Variants in CTNS observed in about 807,000 individuals in gnomAD.
The protein encoded by CTNS is cystinosin.
A neutral mutation model predicts 43.7 loss-of-function variants in CTNS; 27 were observed. That is an observed-to-expected ratio of 0.62 (90% confidence interval 0.46 to 0.85). CTNS has a LOEUF of 0.85. CTNS is among the 40% of genes least tolerant of loss of function. The probability of loss-of-function intolerance (pLI) is 0.00; values close to 1 mark genes in which losing one functional copy is unlikely to be tolerated. For missense variants in CTNS, 457 were observed against 475.4 expected (o/e 0.96, Z 0.36); for synonymous variants, 187 against 190.6 (o/e 0.98, Z 0.16).
At chr17:3,641,096 G>C (rs2075677577) in intron 3 of CTNS, among the ~76,000 whole-genome samples, 1 of 151,850 alleles carries the variant, frequency 6.6e-6, no homozygotes, top group African/African-American at 2.4e-5. Flanking sequence ...CCCTTAGAGA[G>C]GGGCTGAGGA....
chr17:3,646,052 A>G (rs1358681544), intron 3 of CTNS, among the ~76,000 whole-genome samples: 1 of 152,038 alleles, frequency 6.6e-6, no homozygotes, highest in African/African-American at 2.4e-5. Context: ...GACGCTCCTC[A>G]TCACAGTCAT....
intron 3 of CTNS, 22 bp from the exon 4 acceptor site, chr17:3,647,422 T>A (rs943918679): frequency 8.1e-6 from 13 of 1,609,862 alleles, no homozygotes; most frequent in Non-Finnish European, 1.1e-5. Context: ...GTGCCTCATG[T>A]CATTGATTTG....
At position 3,660,982 on chromosome 17, in the gene CTNS, G is replaced by T; in HGVS notation, c.*613G>T. The T allele has an allele frequency of 1.7e-6, 1 of 585,872 alleles. No homozygotes were observed. The allele number at this position is 585,872 out of a possible 1,614,324, so 36.3% of individuals were successfully genotyped here. On this transcript the variant is annotated 3_prime_UTR_variant, in exon 12 of 12. Coordinates refer to ENST00000046640, the MANE Select transcript of CTNS (RefSeq NM_004937.3). ...TTTCTGAGCCATGAGGGGCCCACCA[G>T]ATTGGTTCTGAATTGGATTCATGCC...
At chr17:3,648,138 CT>C (rs1390609695) in intron 4 of CTNS, among the ~76,000 whole-genome samples, 1 of 152,202 alleles carries the variant, frequency 6.6e-6, no homozygotes, top group African/African-American at 2.4e-5. Context: ...GAACCCTCTC[CT>C]TCTCTCTTTA....
chr17:3,653,896 A>C (rs2076055520), intron 5 of CTNS, among the ~76,000 whole-genome samples: 1 of 150,674 alleles, frequency 6.6e-6, no homozygotes. Flanking sequence ...ATAAAGTCTC[A>C]GCAGGCATGC....
chr17:3,653,837 T>C lies in CTNS; in HGVS notation c.226-1161T>C, dbSNP rs141736828. ...TTTGCAGTGAGCTGAGATCGCGCCA[T>C]TGCACTCCAGCCTGGGCAACAAGAG... On this transcript the variant is annotated intron_variant, in intron 5 of 11. Coordinates refer to ENST00000046640, the MANE Select transcript of CTNS (RefSeq NM_004937.3). Among the ~76,000 whole-genome samples, 987 of 151,222 alleles carry C rather than the reference T, an allele frequency of 6.5e-3. 5 individuals are homozygous for C. Among genetic ancestry groups the C allele is most frequent in the African/African-American group, 0.023 (933 of 41,260 alleles).
At chr17:3,650,844 C>T (rs1319561528) in intron 5 of CTNS, among the ~76,000 whole-genome samples, 1 of 152,022 alleles carries the variant, frequency 6.6e-6, no homozygotes, top group Non-Finnish European at 1.5e-5. Context: ...ACTCTGTCGC[C>T]CAGGTTGGAG....
chr17:3,655,451 C>A, intron 7 of CTNS, 99 bp downstream of exon 7: 1 of 1,543,198 alleles, frequency 6.5e-7, no homozygotes. Flanking sequence ...GTCCCCTCTA[C>A]CCTTCTGTCT....
chr17:3,641,384 A>ATATATATATATATATATTTT (rs1555558526), intron 3 of CTNS, among the ~76,000 whole-genome samples: 5 of 31,198 alleles, frequency 1.6e-4, no homozygotes, highest in East Asian at 1.3e-3. Context: ...ATATATATAT[A>ATATATATATATATATATTTT]TTTTTTTTTT....
At position 3,659,822 on chromosome 17, in the gene CTNS, C is replaced by G. The variant is rs780547253; in HGVS notation, c.853-36C>G. On this transcript the variant is annotated intron_variant, in intron 10 of 11. Transcript: ENST00000046640. Reference sequence around the variant, plus strand: ...GCATGAGGCAGCCGCCCAGCCCTCACCGCCCTCCGTCTGTCTGTCCGTCTG... The same window carrying G: ...GCATGAGGCAGCCGCCCAGCCCTCAGCGCCCTCCGTCTGTCTGTCCGTCTG... 5 of 1,539,882 alleles carry G rather than the reference C, an allele frequency of 3.2e-6. No individual in the cohort carries two copies. The East Asian group carries it at 9.0e-5, about 28-fold the overall frequency.
intron 9 of CTNS, 109 bp downstream of exon 9, chr17:3,656,904 A>C (rs2076162850): frequency 6.5e-7 from 1 of 1,544,286 alleles, no homozygotes; most frequent in Admixed American, 1.8e-5. Flanking sequence ...GTGTGTGTTC[A>C]TTCATCCAGG....
chr17:3,642,257 C>T (rs1567697364), intron 3 of CTNS, among the ~76,000 whole-genome samples: 1 of 151,884 alleles, frequency 6.6e-6, no homozygotes, highest in Non-Finnish European at 1.5e-5. Context: ...ACCACCACTC[C>T]AGTTACCTGG....
intron 9 of CTNS, among the ~76,000 whole-genome samples, chr17:3,657,296 G>C (rs1173014305): frequency 1.3e-5 from 2 of 152,188 alleles, no homozygotes; most frequent in African/African-American, 4.8e-5. Flanking sequence ...GGTGCCAGGA[G>C]GGGGCCCGCG....
intron 5 of CTNS, among the ~76,000 whole-genome samples, 200 bp from the exon 6 acceptor site, chr17:3,654,798 C>T (rs1251967613): frequency 2.6e-5 from 4 of 152,102 alleles, no homozygotes; most frequent in Non-Finnish European, 4.4e-5. Context: ...AGTTCGAGAC[C>T]AGCCTGGGCA....
chr17:3,646,910 G>A (rs1307420770), intron 3 of CTNS, among the ~76,000 whole-genome samples: 5 of 152,198 alleles, frequency 3.3e-5, no homozygotes, highest in Non-Finnish European at 2.9e-5. Context: ...CCCAGGAAGG[G>A]GACCAGTGCC....
At chr17:3,658,453 C>G (rs2076208648) in intron 10 of CTNS, among the ~76,000 whole-genome samples, 1 of 152,252 alleles carries the variant, frequency 6.6e-6, no homozygotes, top group Non-Finnish European at 1.5e-5. Flanking sequence ...CACACCCCAG[C>G]CTTTCCTGAT....
chr17:3,640,407 T>G, intron 3 of CTNS, 140 bp downstream of exon 3: 6 of 966,400 alleles, frequency 6.2e-6, no homozygotes, highest in Admixed American at 1.7e-5. Context: ...ATGTGGCCAC[T>G]GGGGTGGTGG....
chr17:3,640,934 C>T (rs936146752), intron 3 of CTNS, among the ~76,000 whole-genome samples: 1 of 152,008 alleles, frequency 6.6e-6, no homozygotes, highest in Non-Finnish European at 1.5e-5. Flanking sequence ...ATGGCTTATG[C>T]CTCTGCCCTG....
In CTNS at chr17:3,662,461, C is replaced by T. The variant is rs1247773195; in HGVS notation, c.*2092C>T. Among the ~76,000 whole-genome samples the T allele has an allele frequency of 2.6e-5, 4 of 152,202 alleles. No homozygotes were observed. The highest frequency in any genetic ancestry group is 7.2e-5 in the African/African-American group (3 of 41,440). ...CATCTGGCCAGATCACGGCCCCCAGCAACACGTGGGGTTGTGTCCCTCGCT... is the reference window on the plus strand; with the variant it reads ...CATCTGGCCAGATCACGGCCCCCAGTAACACGTGGGGTTGTGTCCCTCGCT... On this transcript the variant is annotated 3_prime_UTR_variant, in exon 12 of 12. Transcript: ENST00000046640.
Sources: gnomAD v4.1 joint callset for allele counts (sites outside exome capture counted in the v4.1 genomes callset) on GRCh38, gnomAD v4.1.1 for gene constraint, MANE v1.5 for transcripts, NCBI Gene and HGNC (gene_info 2026-07-23, HGNC 2026-07-21) for gene names.